Variants in SATB2 observed in about 807,000 individuals in gnomAD.
SATB2 encodes the protein DNA-binding protein SATB2.
In SATB2, 1 loss-of-function variant was observed where a neutral mutation model predicts 73.4. The observed-to-expected ratio is 0.01, with a 90% CI of 0.00 to 0.06. The LOEUF (loss-of-function observed/expected upper bound fraction) is 0.06. Among genes scored for constraint, SATB2 ranks in the 10% least tolerant of loss-of-function variants. The pLI is 1.00. For missense variants in SATB2, 459 were observed against 945.8 expected (o/e 0.49, Z 6.75); for synonymous variants, 397 against 367.0 (o/e 1.08, Z -0.93).
rs368537092 is a variant in SATB2 at position 199,328,916 on chromosome 2, T to A, written c.1174-6A>T. ...AGAATCTCAGACAACAATCCCTGAT[T>A]AAATGGGGGAAAAAAACAGACCAAG... On this transcript the variant is annotated splice_region_variant and splice_polypyrimidine_tract_variant and intron_variant, in intron 7 of 10. Transcript: ENST00000417098. The A allele has an allele frequency of 3.5e-5, 56 of 1,610,562 alleles. No individual in the cohort carries two copies. Among genetic ancestry groups the A allele is most frequent in the South Asian group, 3.3e-5 (3 of 90,906 alleles).
chr2:199,449,423 T>C (rs918353310), intron 2 of SATB2, among the ~76,000 whole-genome samples: 2 of 152,158 alleles, frequency 1.3e-5, no homozygotes, highest in African/African-American at 4.8e-5. Flanking sequence ...CAAATATATA[T>C]AGCTAGAGTT....
chr2:199,423,268 T>C (rs1184939871), intron 3 of SATB2, among the ~76,000 whole-genome samples: 2 of 152,132 alleles, frequency 1.3e-5, no homozygotes, highest in Admixed American at 1.3e-4. Context: ...ACATTATGTA[T>C]TTGGTTCTTT....
intron 3 of SATB2, among the ~76,000 whole-genome samples, chr2:199,421,730 C>A (rs2105914487): frequency 6.6e-6 from 1 of 152,246 alleles, no homozygotes; most frequent in African/African-American, 2.4e-5. Context: ...GCTAAAGTTT[C>A]CTGACACAAT....
chr2:199,275,695 T>C (rs1001598967), intron 10 of SATB2, among the ~76,000 whole-genome samples: 3 of 152,098 alleles, frequency 2.0e-5, no homozygotes, highest in Non-Finnish European at 2.9e-5. Context: ...CAAAGTGAAA[T>C]ATATAGTTTC....
upstream of SATB2, chr2:199,459,834 G>C (rs955686450): frequency 9.0e-5 from 3 of 33,194 alleles, no homozygotes; most frequent in Non-Finnish European, 1.7e-4. This position sits in a 1 kb window ranked among gnomAD's most constrained non-coding sequence, Gnocchi z 4.2. Flanking sequence ...CCCGGGACAA[G>C]GCTGCCTTCC....
At chr2:199,323,468 T>G (rs1687943177) in intron 9 of SATB2, among the ~76,000 whole-genome samples, 2 of 109,338 alleles carry the variant, frequency 1.8e-5, no homozygotes, top group Admixed American at 2.2e-4. Context: ...CATTCTAAGT[T>G]TTGTTCATAC....
At chr2:199,420,199 T>C (rs960945321) in intron 3 of SATB2, among the ~76,000 whole-genome samples, 1 of 152,200 alleles carries the variant, frequency 6.6e-6, no homozygotes, top group Non-Finnish European at 1.5e-5. Context: ...AGCTGTTAAA[T>C]GAAGATAATT....
upstream of SATB2, chr2:199,459,639 C>G (rs1692421298): frequency 6.5e-6 from 1 of 152,860 alleles, no homozygotes; most frequent in Non-Finnish European, 1.5e-5. This position sits in a 1 kb window ranked among gnomAD's most constrained non-coding sequence, Gnocchi z 4.2. Context: ...CTCCTAATCC[C>G]CAGGACCCCG....
intron 3 of SATB2, among the ~76,000 whole-genome samples, chr2:199,417,785 G>A (rs1691038337): frequency 6.6e-6 from 1 of 152,152 alleles, no homozygotes. Flanking sequence ...TAAGTACTCT[G>A]AAGAAAAGGG....
At chr2:199,305,341 C>T (rs760449755) in intron 10 of SATB2, among the ~76,000 whole-genome samples, 3 of 147,424 alleles carry the variant, frequency 2.0e-5, no homozygotes, top group Non-Finnish European at 3.0e-5. Flanking sequence ...CTTGAGGGGC[C>T]GATAGGGGGG....
intron 3 of SATB2, among the ~76,000 whole-genome samples, chr2:199,416,698 C>T (rs576413529): frequency 6.6e-6 from 1 of 152,122 alleles, no homozygotes; most frequent in African/African-American, 2.4e-5. Context: ...TTTCTTACTG[C>T]CTTGTTTACA....
At chr2:199,382,542 C>T (rs1358987613) in intron 3 of SATB2, among the ~76,000 whole-genome samples, 2 of 152,016 alleles carry the variant, frequency 1.3e-5, no homozygotes, top group Admixed American at 6.6e-5. Context: ...AATAAAAATC[C>T]TTTTTAAGCT....
Position 199,457,735 on chromosome 2 carries a change from C to T in SATB2, c.-456G>A. 1 of 159,326 alleles carries T rather than the reference C, an allele frequency of 6.3e-6. No homozygotes were observed. Among genetic ancestry groups the T allele is most frequent in the Non-Finnish European group, 1.4e-5 (1 of 73,290 alleles). 9.9% of individuals were successfully genotyped at this position (159,326 alleles called of 1,614,324 possible). On this transcript the variant is annotated 5_prime_UTR_variant, in exon 1 of 11. Coordinates refer to ENST00000417098, the MANE Select transcript of SATB2 (RefSeq NM_001172509.2). This position sits in a 1 kb window ranked among gnomAD's most constrained non-coding sequence, Gnocchi z 4.8. ...AGGGCTGAGAACCCGGAGGCGGCGGCGGCGGCGGCGAGCCGGGGCTGCTGG... is the reference window on the plus strand; with the variant it reads ...AGGGCTGAGAACCCGGAGGCGGCGGTGGCGGCGGCGAGCCGGGGCTGCTGG...
chr2:199,429,491 A>G (rs1159584147), intron 3 of SATB2, among the ~76,000 whole-genome samples: 1 of 152,170 alleles, frequency 6.6e-6, no homozygotes, highest in Non-Finnish European at 1.5e-5. Flanking sequence ...CATGAATGTA[A>G]TTACTCCAAT....
intron 3 of SATB2, among the ~76,000 whole-genome samples, chr2:199,398,179 G>A (rs1299475115): frequency 6.6e-6 from 1 of 152,134 alleles, no homozygotes; most frequent in Non-Finnish European, 1.5e-5. Flanking sequence ...TTCCAGACTA[G>A]AGAATCTGGG....
chr2:199,428,233 C>T (rs1401955656), intron 3 of SATB2, among the ~76,000 whole-genome samples: 5 of 152,158 alleles, frequency 3.3e-5, no homozygotes, highest in African/African-American at 9.7e-5. Flanking sequence ...TAGAAGTTGG[C>T]TTCAGTACAT....
At chr2:199,386,335 C>T (rs1559021080) in intron 3 of SATB2, among the ~76,000 whole-genome samples, 3 of 152,094 alleles carry the variant, frequency 2.0e-5, no homozygotes, top group Non-Finnish European at 4.4e-5. Flanking sequence ...GATGCTCAAC[C>T]GGTACTGGAC....
chr2:199,380,326 T>G lies in SATB2; in HGVS notation c.597+38A>C, dbSNP rs753820488. 5.0e-6 allele frequency: 8 copies of G among 1,613,632 alleles called. No homozygotes were observed. In the East Asian group the frequency reaches 1.8e-4, roughly 36 times the overall value. Reference sequence around the variant, plus strand: ...CCCTGATAGAGAGTCTACCAATGGCTTCTTCTGTTTCCCAGACCCCCACCT... The same window carrying G: ...CCCTGATAGAGAGTCTACCAATGGCGTCTTCTGTTTCCCAGACCCCCACCT... On this transcript the variant is annotated intron_variant, in intron 5 of 10. Coordinates refer to ENST00000417098, the MANE Select transcript of SATB2 (RefSeq NM_001172509.2).
In SATB2 at chr2:199,348,663, G is replaced by C. The variant is rs1227776794; in HGVS notation, c.1173+38C>G. 2.1e-6 allele frequency: 3 copies of C among 1,429,906 alleles called. No individual in the cohort carries two copies. The South Asian group carries it at 3.8e-5, about 18-fold the overall frequency. 88.6% of individuals were successfully genotyped at this position (1,429,906 alleles called of 1,614,324 possible). A position where few individuals can be genotyped will look rare whatever the true frequency, so the allele number is the denominator to read the frequency against. On this transcript the variant is annotated intron_variant, in intron 7 of 10. Transcript: ENST00000417098. ...ATAACCTATCTCAATTCTGTCCCCA[G>C]TATTACTGTTAATTACAGTGTTTAA... is the stretch of plus-strand genomic sequence containing the variant.
Sources: allele counts gnomAD v4.1 joint callset (sites outside exome capture counted in the v4.1 genomes callset), GRCh38; gene constraint gnomAD v4.1.1; non-coding constraint Gnocchi (gnomAD v3.1); transcripts MANE v1.5; gene names NCBI Gene and HGNC (gene_info 2026-07-23, HGNC 2026-07-21).